The following MACROD2 variants were observed in gnomAD, a reference collection of about 807,000 sequenced individuals.
MACROD2 encodes ADP-ribose glycohydrolase MACROD2.
A neutral mutation model predicts 70.4 loss-of-function variants in MACROD2; 36 were observed. The ratio of observed to expected loss-of-function variants is 0.51; its 90% CI spans 0.39 to 0.68. MACROD2 has a LOEUF of 0.68. Among genes scored for constraint, MACROD2 ranks in the 30% least tolerant of loss-of-function variants. The pLI is 0.00. For missense variants in MACROD2, 496 were observed against 538.4 expected (o/e 0.92, Z 0.78); for synonymous variants, 172 against 178.8 (o/e 0.96, Z 0.30).
chr20:15,255,157 C>A (rs1015784400), intron 6 of MACROD2, among the ~76,000 whole-genome samples: 1 of 151,842 alleles, frequency 6.6e-6, no homozygotes, highest in Admixed American at 6.6e-5. Flanking sequence ...TATATTGAAC[C>A]TGATTTAAGA....
At chr20:14,805,706 A>C (rs1286748963) in intron 5 of MACROD2, among the ~76,000 whole-genome samples, 2 of 152,070 alleles carry the variant, frequency 1.3e-5, no homozygotes, top group Admixed American at 1.3e-4. Flanking sequence ...TGGGTGAACA[A>C]AGCCCACCAG....
chr20:16,048,637 A>C (rs73241693), intron 17 of MACROD2, among the ~76,000 whole-genome samples: 7,145 of 152,230 alleles, frequency 0.047, 551 homozygotes, highest in African/African-American at 0.16. Context: ...CCACGATCCC[A>C]CTAGTATTGA....
intron 8 of MACROD2, among the ~76,000 whole-genome samples, chr20:15,507,701 C>G (rs576196106): frequency 6.6e-6 from 1 of 152,148 alleles, no homozygotes; most frequent in Non-Finnish European, 1.5e-5. Context: ...TGTCACCATA[C>G]ACTGCCACAC....
chr20:14,127,668 G>A, intron 3 of MACROD2: 2 of 395,004 alleles, frequency 5.1e-6, no homozygotes, highest in Non-Finnish European at 9.6e-6. Flanking sequence ...TTTCCATCTG[G>A]TATTCCACTG....
At chr20:14,930,313 C>A (rs1198927031) in intron 5 of MACROD2, among the ~76,000 whole-genome samples, 1 of 152,050 alleles carries the variant, frequency 6.6e-6, no homozygotes, top group African/African-American at 2.4e-5. Flanking sequence ...CTTTCACAAA[C>A]CTTGTTGTCA....
At chr20:14,583,867 A>C (rs966168668) in intron 4 of MACROD2, among the ~76,000 whole-genome samples, 1 of 152,156 alleles carries the variant, frequency 6.6e-6, no homozygotes, top group Non-Finnish European at 1.5e-5. Flanking sequence ...GAGGTGCTAC[A>C]TGCATGAATA....
At chr20:15,338,486 A>G (rs1176535323) in intron 6 of MACROD2, among the ~76,000 whole-genome samples, 1 of 151,494 alleles carries the variant, frequency 6.6e-6, no homozygotes, top group Non-Finnish European at 1.5e-5. Context: ...CTGGGTATCA[A>G]TCAGACACAG....
chr20:14,325,626 G>C (rs769046158), intron 3 of MACROD2: 5 of 1,613,604 alleles, frequency 3.1e-6, no homozygotes, highest in Non-Finnish European at 4.2e-6. Context: ...TGCTTTCACT[G>C]TGATTGTTTT....
chr20:14,363,705 T>A (rs204628), intron 3 of MACROD2, among the ~76,000 whole-genome samples: 99,223 of 149,970 alleles, frequency 0.66, 33,602 homozygotes, highest in Non-Finnish European at 0.73. Flanking sequence ...TAGTCCCAGC[T>A]ATTCGGGAGG....
At chr20:14,614,509 C>A (rs145819211) in intron 4 of MACROD2, among the ~76,000 whole-genome samples, 37 of 152,142 alleles carry the variant, frequency 2.4e-4, no homozygotes, top group Non-Finnish European at 4.7e-4. Flanking sequence ...GAACGATGGC[C>A]GTAAATGGCT....
intron 8 of MACROD2, among the ~76,000 whole-genome samples, chr20:15,658,221 C>T (rs1437407977): frequency 2.2e-5 from 3 of 136,872 alleles, no homozygotes; most frequent in South Asian, 2.3e-4. Context: ...TTTTCTCTCT[C>T]TCTCTTTTTT....
At chr20:14,255,346 A>G (rs942961890) in intron 3 of MACROD2, among the ~76,000 whole-genome samples, 7 of 152,122 alleles carry the variant, frequency 4.6e-5, no homozygotes, top group African/African-American at 1.7e-4. Context: ...ATGGAATACT[A>G]TGCAGCCATA....
At chr20:14,388,044 C>T (rs1371953905) in intron 3 of MACROD2, among the ~76,000 whole-genome samples, 3 of 145,340 alleles carry the variant, frequency 2.1e-5, no homozygotes, top group Non-Finnish European at 4.5e-5. Flanking sequence ...GAGTCTTGCT[C>T]AGTCACCCAG....
intron 8 of MACROD2, among the ~76,000 whole-genome samples, chr20:15,510,440 G>A (rs542787812): frequency 7.9e-5 from 12 of 152,056 alleles, no homozygotes; most frequent in Non-Finnish European, 1.3e-4. Flanking sequence ...GTTTTGATAC[G>A]GTCATCTAGC....
chr20:15,751,043 G>A (rs551067842), intron 8 of MACROD2, among the ~76,000 whole-genome samples: 1 of 151,992 alleles, frequency 6.6e-6, no homozygotes, highest in South Asian at 2.1e-4. Context: ...ATACAAAATT[G>A]CAATTAAAAT....
At chr20:15,722,136 T>C (rs1456563082) in intron 8 of MACROD2, among the ~76,000 whole-genome samples, 1 of 152,200 alleles carries the variant, frequency 6.6e-6, no homozygotes, top group Non-Finnish European at 1.5e-5. Flanking sequence ...TATTCAACTT[T>C]CTCTTAATAG....
chr20:14,909,559 G>A (rs1393851595), intron 5 of MACROD2, among the ~76,000 whole-genome samples: 1 of 151,808 alleles, frequency 6.6e-6, no homozygotes, highest in Non-Finnish European at 1.5e-5. Flanking sequence ...GCCAAGCAGA[G>A]GGAACGAGAT....
chr20:15,034,557 G>A (rs6043069), intron 5 of MACROD2, among the ~76,000 whole-genome samples: 17,477 of 152,126 alleles, frequency 0.11, 2,784 homozygotes, highest in African/African-American at 0.36. Flanking sequence ...ACAAAGTTTA[G>A]AAGTGATTTA....
At chr20:15,914,633 G>A (rs1377121074) in intron 10 of MACROD2, among the ~76,000 whole-genome samples, 1 of 152,152 alleles carries the variant, frequency 6.6e-6, no homozygotes, top group African/African-American at 2.4e-5. Context: ...CATCAAATAT[G>A]TGTTTTTTCC....
Sources: gnomAD v4.1 joint callset for allele counts (sites outside exome capture counted in the v4.1 genomes callset) on GRCh38, gnomAD v4.1.1 for gene constraint, MANE v1.5 for transcripts, NCBI Gene and HGNC (gene_info 2026-07-23, HGNC 2026-07-21) for gene names.